The following CIMIP5 variants were observed in gnomAD, a reference collection of about 807,000 sequenced individuals.
CIMIP5 encodes the protein uncharacterized protein C2orf50.
chr2:11,143,426 T>G, the CIMIP5 span, among the ~76,000 whole-genome samples: 1 of 151,342 alleles, frequency 6.6e-6, no homozygotes, highest in African/African-American at 2.4e-5. Context: ...GCTGAGGGGC[T>G]GAAAGGAGGT....
the CIMIP5 span, chr2:11,140,485 C>G: frequency 2.0e-6 from 3 of 1,528,874 alleles, no homozygotes; most frequent in South Asian, 1.3e-5. Flanking sequence ...GGAACTCACA[C>G]AGCCAACATG....
the CIMIP5 span, among the ~76,000 whole-genome samples, chr2:11,143,701 G>A: frequency 6.6e-6 from 1 of 152,164 alleles, no homozygotes; most frequent in Admixed American, 6.6e-5. Flanking sequence ...AAGGGATCTG[G>A]GAGGCACCTG....
chr2:11,138,379 A>G, the CIMIP5 span, among the ~76,000 whole-genome samples: 2 of 152,246 alleles, frequency 1.3e-5, no homozygotes, highest in Non-Finnish European at 1.5e-5. Flanking sequence ...TAACATTTAC[A>G]TAATCATAAG....
chr2:11,143,057 C>G, the CIMIP5 span, among the ~76,000 whole-genome samples: 1 of 152,136 alleles, frequency 6.6e-6, no homozygotes, highest in Non-Finnish European at 1.5e-5. Context: ...AGAGTTTACC[C>G]AAACGCACGT....
the CIMIP5 span, among the ~76,000 whole-genome samples, chr2:11,147,168 G>T: frequency 0.017 from 2,655 of 152,254 alleles, 87 homozygotes; most frequent in African/African-American, 0.059. Flanking sequence ...TCTTTTGCAC[G>T]TATTAGAATT....
At chr2:11,139,913 C>A in the CIMIP5 span, among the ~76,000 whole-genome samples, 15 of 148,812 alleles carry the variant, frequency 1.0e-4, no homozygotes, top group Admixed American at 2.7e-4. Context: ...ATGGTGAAAC[C>A]CCATCTACAC....
At chr2:11,138,674 T>C in the CIMIP5 span, among the ~76,000 whole-genome samples, 3 of 152,252 alleles carry the variant, frequency 2.0e-5, no homozygotes, top group Middle Eastern at 3.4e-3. Context: ...ACCATCCCCA[T>C]GGTACTGTCC....
At chr2:11,148,732 CTTTTT>C in the CIMIP5 span, among the ~76,000 whole-genome samples, 7 of 35,540 alleles carry the variant, frequency 2.0e-4, no homozygotes, top group African/African-American at 2.8e-4. Context: ...AATGAAAACT[CTTTTT>C]TTTTTTTTTT....
the CIMIP5 span, among the ~76,000 whole-genome samples, chr2:11,150,500 T>A: frequency 4.0e-3 from 605 of 151,876 alleles, 7 homozygotes; most frequent in African/African-American, 0.014. Context: ...GCCCGGCTAA[T>A]TTTTGTATTT....
chr2:11,144,631 T>G, the CIMIP5 span: 1 of 151,982 alleles, frequency 6.6e-6, no homozygotes, highest in African/African-American at 2.4e-5. Context: ...AGAGCTGTGC[T>G]CTTTTAGGAG....
chr2:11,135,155 A>G, the CIMIP5 span, among the ~76,000 whole-genome samples: 2 of 152,190 alleles, frequency 1.3e-5, no homozygotes, highest in Non-Finnish European at 1.5e-5. Context: ...ACTAGGCCCT[A>G]CCTTCAACAC....
At chr2:11,137,963 G>A in the CIMIP5 span, among the ~76,000 whole-genome samples, 4 of 151,954 alleles carry the variant, frequency 2.6e-5, no homozygotes, top group African/African-American at 9.7e-5. Flanking sequence ...CTCCTGCCTC[G>A]GCCTCCCAAG....
the CIMIP5 span, among the ~76,000 whole-genome samples, chr2:11,152,139 C>A: frequency 6.6e-6 from 1 of 152,180 alleles, no homozygotes; most frequent in African/African-American, 2.4e-5. Context: ...GCAGGGGCTG[C>A]AAAATACCTC....
the CIMIP5 span, among the ~76,000 whole-genome samples, chr2:11,136,893 G>T: frequency 6.6e-6 from 1 of 152,096 alleles, no homozygotes; most frequent in African/African-American, 2.4e-5. Context: ...TTACTAGAAG[G>T]GCAGAGACGC....
chr2:11,136,274 A>G, the CIMIP5 span, among the ~76,000 whole-genome samples: 1 of 152,210 alleles, frequency 6.6e-6, no homozygotes, highest in Non-Finnish European at 1.5e-5. Flanking sequence ...AAAGGATCCA[A>G]TTTCATTCTT....
the CIMIP5 span, among the ~76,000 whole-genome samples, chr2:11,138,180 A>G: frequency 2.6e-5 from 4 of 152,248 alleles, no homozygotes; most frequent in African/African-American, 7.2e-5. Context: ...TCTGATGCAC[A>G]TGACTGTGTA....
At chr2:11,153,210 T>G in the CIMIP5 span, among the ~76,000 whole-genome samples, 54,467 of 152,006 alleles carry the variant, frequency 0.36, 11,244 homozygotes, top group South Asian at 0.5. Context: ...GGAAGAAACC[T>G]CTTCCACAGC....
the CIMIP5 span, among the ~76,000 whole-genome samples, chr2:11,148,274 C>T: frequency 2.6e-5 from 4 of 152,026 alleles, no homozygotes; most frequent in Non-Finnish European, 5.9e-5. Flanking sequence ...TGCACCACCA[C>T]ACCCGGCTAA....
At chr2:11,144,240 C>A in the CIMIP5 span, 1 of 720,006 alleles carries the variant, frequency 1.4e-6, no homozygotes, top group Non-Finnish European at 2.1e-6. Flanking sequence ...AGCTGCAGGA[C>A]ACTCTTCCAG....
Sources: allele counts gnomAD v4.1 joint callset (sites outside exome capture counted in the v4.1 genomes callset), GRCh38; gene constraint gnomAD v4.1.1; transcripts MANE v1.5; gene names NCBI Gene and HGNC (gene_info 2026-07-23, HGNC 2026-07-21).